WASHC4: variants seen among roughly 807,000 people sequenced by gnomAD.
WASHC4 encodes the protein WASH complex subunit 7.
Under a neutral mutation model 166.6 loss-of-function variants are expected in WASHC4, and 86 were observed. That is an observed-to-expected ratio of 0.52 (90% CI 0.43 to 0.62). The LOEUF is 0.62. Among genes scored for constraint, WASHC4 ranks in the 20% least tolerant of loss-of-function variants. WASHC4 has a pLI of 0.00. For synonymous variants in WASHC4, 446 were observed against 451.6 expected (o/e 0.99, Z 0.16); for missense variants, 1,262 against 1,382.4 (o/e 0.91, Z 1.38).
At chr12:105,153,130 G>A (rs1486794504) in intron 26 of WASHC4, among the ~76,000 whole-genome samples, 2 of 152,160 alleles carry the variant, frequency 1.3e-5, no homozygotes, top group Non-Finnish European at 2.9e-5. Flanking sequence ...GGGTTATTTA[G>A]CTATAAGTCC....
At chr12:105,145,916 A>G (rs994471859) in intron 22 of WASHC4, among the ~76,000 whole-genome samples, 3 of 152,094 alleles carry the variant, frequency 2.0e-5, no homozygotes, top group African/African-American at 7.2e-5. Context: ...TAGACTTTCT[A>G]AAGTCCCAAG....
At chr12:105,110,016 T>C (rs1160548344) in intron 1 of WASHC4, among the ~76,000 whole-genome samples, 4 of 152,228 alleles carry the variant, frequency 2.6e-5, no homozygotes, top group Non-Finnish European at 5.9e-5. Flanking sequence ...CAGTCTTATA[T>C]GTAAGCTGTA....
At chr12:105,128,600 A>G (rs553554758) in intron 13 of WASHC4, among the ~76,000 whole-genome samples, 51 of 152,292 alleles carry the variant, frequency 3.3e-4, no homozygotes, top group Middle Eastern at 3.4e-3. Flanking sequence ...GTAATGCCCA[A>G]TGGAAATGCT....
At position 105,107,768 on chromosome 12, in the gene WASHC4, G is replaced by A. The variant is rs1029531817; in HGVS notation, c.-33G>A. ...GAGGCCGTCGTCGCCGCACGGGCTG[G>A]TTGGGGCTGTGTCTGTGGGAGGCGC... is the stretch of plus-strand genomic sequence containing the variant. On this transcript the variant is annotated 5_prime_UTR_variant, in exon 1 of 33. Coordinates refer to ENST00000332180, the MANE Select transcript of WASHC4 (RefSeq NM_015275.3). The A allele has an allele frequency of 3.9e-6, 6 of 1,529,414 alleles. No individual in the cohort carries two copies. Among genetic ancestry groups the A allele is most frequent in the East Asian group, 2.5e-5 (1 of 40,760 alleles). The allele number at this position is 1,529,414 out of a possible 1,614,324, so 94.7% of individuals were successfully genotyped here. A position where few individuals can be genotyped will look rare whatever the true frequency, so the allele number is the denominator to read the frequency against.
At chr12:105,130,394 A>G (rs1346864569) in intron 13 of WASHC4, among the ~76,000 whole-genome samples, 3 of 152,244 alleles carry the variant, frequency 2.0e-5, no homozygotes, top group South Asian at 2.1e-4. Context: ...AGTGAGTCTT[A>G]CTAAGTGGAC....
In WASHC4 at chr12:105,140,854, T is replaced by C. The variant is rs73395772; in HGVS notation, c.1561-45T>C. 6.3e-3 allele frequency: 9,934 copies of C among 1,583,794 alleles called. 117 individuals are homozygous for C. Among genetic ancestry groups the C allele is most frequent in the African/African-American group, 0.042 (3,153 of 74,506 alleles). The stretch of plus-strand genomic sequence containing the variant: ...CAAGAAGTTTTTCTTCTGAGTCTTT[T>C]GTTACTGCCTCAGAAACAAATAGTT... On this transcript the variant is annotated intron_variant, in intron 16 of 32. Transcript: ENST00000332180.
In WASHC4 at chr12:105,141,136, C is replaced by T. The variant is rs753164615; in HGVS notation, c.1708-31C>T. ...TGACCCTAGAAACCTTTGACTGCAA[C>T]TTCTCTGCCTTTTTTTCCTGTCCCT... On this transcript the variant is annotated intron_variant, in intron 17 of 32. Coordinates refer to ENST00000332180, the MANE Select transcript of WASHC4 (RefSeq NM_015275.3). 5 of 1,608,928 alleles carry T rather than the reference C, an allele frequency of 3.1e-6. No individual in the cohort carries two copies. In the South Asian group the frequency reaches 5.5e-5, roughly 18 times the overall value.
chr12:105,157,947 A>G (rs1884280759), intron 28 of WASHC4, among the ~76,000 whole-genome samples: 1 of 152,222 alleles, frequency 6.6e-6, no homozygotes, highest in Admixed American at 6.5e-5. Flanking sequence ...TATGTTTAGA[A>G]AACTGTATGT....
rs1243824888 is a variant in WASHC4 at position 105,107,976 on chromosome 12, A to G, written c.61+115A>G. ...GCTGCGCAGCCGTCTGGTGCGGGACACTTCAGAGCCCTTGGGGTGTGCGAG... is the reference window on the plus strand; with the variant it reads ...GCTGCGCAGCCGTCTGGTGCGGGACGCTTCAGAGCCCTTGGGGTGTGCGAG... On this transcript the variant is annotated intron_variant, in intron 1 of 32. Coordinates refer to ENST00000332180, the MANE Select transcript of WASHC4 (RefSeq NM_015275.3). 5 of 794,008 alleles carry G rather than the reference A, an allele frequency of 6.3e-6. No homozygotes were observed. The African/African-American group carries it at 8.5e-5, about 14-fold the overall frequency. The allele number at this position is 794,008 out of a possible 1,614,324, so 49.2% of individuals were successfully genotyped here.
chr12:105,160,248 A>G (rs1592920840), intron 29 of WASHC4, 100 bp downstream of exon 29: 3 of 960,028 alleles, frequency 3.1e-6, no homozygotes, highest in Admixed American at 2.0e-5. Context: ...AGACTACACT[A>G]TTAATTTCCT....
At chr12:105,116,173 T>C (rs1880160789) in intron 6 of WASHC4, among the ~76,000 whole-genome samples, 1 of 152,160 alleles carries the variant, frequency 6.6e-6, no homozygotes, top group Non-Finnish European at 1.5e-5. Flanking sequence ...TTGTAGGTCC[T>C]TTGGTTTACT....
At position 105,168,031 on chromosome 12, in the gene WASHC4, C is replaced by T. The variant is rs1235714223; in HGVS notation, c.*1100C>T. 2.0e-5 allele frequency: 3 copies of T among 152,008 alleles called. No individual in the cohort carries two copies. Among genetic ancestry groups the T allele is most frequent in the Non-Finnish European group, 4.4e-5 (3 of 67,916 alleles). The allele number at this position is 152,008 out of a possible 1,614,324, so 9.4% of individuals were successfully genotyped here. ...CTTTTAAAAATAAAATAAAGTGATA[C>T]CTTTACAATGAAGACAAAAGTTTAA... On this transcript the variant is annotated 3_prime_UTR_variant, in exon 33 of 33. Transcript: ENST00000332180.
Position 105,144,749 on chromosome 12 carries a change from C to A in WASHC4, c.2211C>A (p.Phe737Leu), listed in dbSNP as rs1359077339. ...AYVTHYLDKT[F>L]YNLTTVALHD... ...TAACTCACTACCTAGACAAGACTTT[C>A]TACAATCTAACAACTGTAGCCCTTC... Residue 737 changes from phenylalanine to leucine, a missense_variant, in exon 22 of 33, where the codon TTC becomes TTA. By Grantham distance (22) the Phe-to-Leu change is conservative (BLOSUM62 0). Coordinates refer to ENST00000332180, the MANE Select transcript of WASHC4 (RefSeq NM_015275.3). 2 of 1,610,728 alleles carry A rather than the reference C, an allele frequency of 1.2e-6. No homozygotes were observed. The highest frequency in any genetic ancestry group is 1.3e-5 in the African/African-American group (1 of 74,332).
intron 13 of WASHC4, among the ~76,000 whole-genome samples, 156 bp downstream of exon 13, chr12:105,127,445 G>GT (rs1223657182): frequency 6.6e-6 from 1 of 152,096 alleles, no homozygotes; most frequent in Non-Finnish European, 1.5e-5. Context: ...TTTTCTAGAA[G>GT]TTTTTTGTAA....
chr12:105,122,354 C>A, intron 10 of WASHC4, 116 bp downstream of exon 10: 2 of 1,117,706 alleles, frequency 1.8e-6, no homozygotes, highest in Non-Finnish European at 2.6e-6. Flanking sequence ...TTAAAAAGTG[C>A]TTTGGCTTAA....
intron 14 of WASHC4, among the ~76,000 whole-genome samples, chr12:105,137,473 C>T (rs1424181857): frequency 2.0e-5 from 3 of 152,178 alleles, no homozygotes; most frequent in African/African-American, 4.8e-5. Flanking sequence ...CAATTTGTAA[C>T]TCCTCAGAGT....
At chr12:105,121,247 A>G (rs913025512) in intron 9 of WASHC4, 43 bp downstream of exon 9, 1 of 1,219,098 alleles carries the variant, frequency 8.2e-7, no homozygotes, top group Admixed American at 1.7e-5. Context: ...TACTTTGGTT[A>G]ATGTATTTGT....
At position 105,142,443 on chromosome 12, in the gene WASHC4, T is replaced by A. The variant is rs757946482; in HGVS notation, c.1788-10T>A. 6.6e-7 allele frequency: 1 copy of A among 1,522,832 alleles called. No homozygotes were observed. The highest frequency in any genetic ancestry group is 1.1e-5 in the South Asian group (1 of 89,250). The allele number at this position is 1,522,832 out of a possible 1,614,324, so 94.3% of individuals were successfully genotyped here. A position where few individuals can be genotyped will look rare whatever the true frequency, so the allele number is the denominator to read the frequency against. On this transcript the variant is annotated splice_polypyrimidine_tract_variant and intron_variant, in intron 18 of 32. Coordinates refer to ENST00000332180, the MANE Select transcript of WASHC4 (RefSeq NM_015275.3). ...GTTTTGGTGTGACTGATTACTACTT[T>A]ACATTGTAGAGTCCAAACACAATGT...
intron 16 of WASHC4, 127 bp from the exon 17 acceptor site, chr12:105,140,772 T>G (rs1882771252): frequency 2.1e-6 from 2 of 942,122 alleles, no homozygotes; most frequent in Admixed American, 2.0e-5. Flanking sequence ...TGTCAGAAGC[T>G]TAAATGGGGA....
Sources: gnomAD v4.1 joint callset for allele counts (sites outside exome capture counted in the v4.1 genomes callset) on GRCh38, gnomAD v4.1.1 for gene constraint, MANE v1.5 for transcripts, NCBI Gene and HGNC (gene_info 2026-07-23, HGNC 2026-07-21) for gene names.